CRYZL1: variants seen among roughly 807,000 people sequenced by gnomAD.
CRYZL1 encodes ferry endosomal RAB5 effector complex subunit 4.
CRYZL1 carries 34 observed loss-of-function variants against 50.6 expected under a neutral mutation model. The ratio of observed to expected loss-of-function variants is 0.67; its 90% CI spans 0.51 to 0.89. The LOEUF (loss-of-function observed/expected upper bound fraction) is 0.89. Among genes scored for constraint, CRYZL1 ranks in the 40% least tolerant of loss-of-function variants. The probability of loss-of-function intolerance (pLI) is 0.00; values close to 1 mark genes in which losing one functional copy is unlikely to be tolerated. For synonymous variants in CRYZL1, 125 were observed against 134.3 expected (o/e 0.93, Z 0.48); for missense variants, 354 against 402.3 (o/e 0.88, Z 1.03).
intron 1 of CRYZL1, among the ~76,000 whole-genome samples, chr21:33,639,235 C>A: frequency 6.6e-6 from 1 of 152,126 alleles, no homozygotes; most frequent in African/African-American, 2.4e-5. Flanking sequence ...GACCAATTCC[C>A]CACCCATATC....
At chr21:33,625,799 C>G (rs746382009) in intron 2 of CRYZL1, among the ~76,000 whole-genome samples, 2 of 151,224 alleles carry the variant, frequency 1.3e-5, no homozygotes, top group Admixed American at 6.6e-5. Context: ...ATTTTCTTAA[C>G]GCTATAAGTG....
chr21:33,603,204 G>T, intron 7 of CRYZL1, 200 bp downstream of exon 7: 1 of 572,734 alleles, frequency 1.7e-6, no homozygotes, highest in Non-Finnish European at 3.0e-6. Context: ...CAGATTCAAA[G>T]TCATAAACTA....
chr21:33,592,976 T>C (rs1280308302), intron 11 of CRYZL1, among the ~76,000 whole-genome samples: 1 of 150,052 alleles, frequency 6.7e-6, no homozygotes, highest in Non-Finnish European at 1.5e-5. Context: ...TGCTTGAACC[T>C]GGGAGGCAGA....
At chr21:33,636,916 CCT>C (rs2087213145) in intron 1 of CRYZL1, among the ~76,000 whole-genome samples, 1 of 152,148 alleles carries the variant, frequency 6.6e-6, no homozygotes, top group African/African-American at 2.4e-5. Flanking sequence ...ACGCCATTCT[CCT>C]GTTTCAGCTT....
intron 6 of CRYZL1, among the ~76,000 whole-genome samples, chr21:33,607,407 G>A (rs150360412): frequency 6.6e-6 from 1 of 152,050 alleles, no homozygotes; most frequent in African/African-American, 2.4e-5. Flanking sequence ...GGGAGGCCAA[G>A]GCGGGAAGAT....
chr21:33,618,319 A>G (rs2086958854), intron 4 of CRYZL1, among the ~76,000 whole-genome samples: 1 of 150,798 alleles, frequency 6.6e-6, no homozygotes, highest in Non-Finnish European at 1.5e-5. Context: ...GAAATGATAT[A>G]GTTACATTTT....
intron 10 of CRYZL1, among the ~76,000 whole-genome samples, chr21:33,596,467 G>C (rs2086693790): frequency 6.6e-6 from 1 of 151,884 alleles, no homozygotes; most frequent in African/African-American, 2.4e-5. Context: ...GTGAAACCCT[G>C]TCTCTACTAA....
At chr21:33,599,355 G>T in intron 8 of CRYZL1, 107 bp from the exon 9 acceptor site, 1 of 1,435,190 alleles carries the variant, frequency 7.0e-7, no homozygotes, top group Non-Finnish European at 9.6e-7. Context: ...TTCTTGAAAT[G>T]AGTTAAGCAA....
At chr21:33,624,271 G>T (rs1000043894) in intron 3 of CRYZL1, among the ~76,000 whole-genome samples, 21 of 152,330 alleles carry the variant, frequency 1.4e-4, no homozygotes, top group African/African-American at 3.8e-4. Flanking sequence ...GGTAGGCTGG[G>T]CGCAGTGGCT....
intron 6 of CRYZL1, among the ~76,000 whole-genome samples, chr21:33,606,182 C>T (rs564286127): frequency 9.2e-4 from 140 of 152,276 alleles, no homozygotes; most frequent in Middle Eastern, 3.4e-3. Context: ...TGCCACATAG[C>T]TCATAAGGTG....
At chr21:33,618,668 C>G (rs1322874554) in intron 4 of CRYZL1, among the ~76,000 whole-genome samples, 2 of 152,164 alleles carry the variant, frequency 1.3e-5, no homozygotes, top group Non-Finnish European at 2.9e-5. Context: ...GGTATTTCTA[C>G]TTTCAAGTCT....
chr21:33,626,055 G>C (rs1156469097), intron 2 of CRYZL1, among the ~76,000 whole-genome samples: 1 of 151,952 alleles, frequency 6.6e-6, no homozygotes, highest in Non-Finnish European at 1.5e-5. Context: ...CCGAGTTCAA[G>C]TGATTCTCCT....
intron 6 of CRYZL1, among the ~76,000 whole-genome samples, chr21:33,604,745 A>G (rs991976577): frequency 1.3e-5 from 2 of 152,152 alleles, no homozygotes; most frequent in African/African-American, 4.8e-5. Flanking sequence ...CCCATTGTTT[A>G]GCTGATGAAC....
At chr21:33,606,550 C>G (rs1054136026) in intron 6 of CRYZL1, among the ~76,000 whole-genome samples, 3 of 151,620 alleles carry the variant, frequency 2.0e-5, no homozygotes, top group African/African-American at 7.3e-5. Context: ...CGCTTGAACC[C>G]AGGAGATGGA....
intron 6 of CRYZL1, among the ~76,000 whole-genome samples, chr21:33,605,233 T>C (rs1303713178): frequency 1.3e-5 from 2 of 152,058 alleles, no homozygotes; most frequent in Non-Finnish European, 2.9e-5. Flanking sequence ...TTTGTTCATG[T>C]GCTGTAAATA....
intron 6 of CRYZL1, among the ~76,000 whole-genome samples, chr21:33,609,925 C>T (rs1169075094): frequency 1.3e-5 from 2 of 150,564 alleles, no homozygotes; most frequent in Admixed American, 6.6e-5. Context: ...AGGATGGTCT[C>T]GATCTCCTGA....
chr21:33,631,495 A>G lies in CRYZL1; in HGVS notation c.57T>C (p.Phe19=). 6.6e-7 allele frequency: 1 copy of G among 1,524,732 alleles called. No individual in the cohort carries two copies. Among genetic ancestry groups the G allele is most frequent in the Non-Finnish European group, 8.8e-7 (1 of 1,142,578 alleles). 94.5% of individuals were successfully genotyped at this position (1,524,732 alleles called of 1,614,324 possible). A position where few individuals can be genotyped will look rare whatever the true frequency, so the allele number is the denominator to read the frequency against. Residue 19 remains phenylalanine, a synonymous_variant, in exon 2 of 13, where the codon TTT becomes TTC. Coordinates refer to ENST00000381554, the MANE Select transcript of CRYZL1 (RefSeq NM_145858.3). ...SSTDEEITFV[F]QEKEDLPVTE... Reference sequence around the variant, plus strand: ...AAACATTTTTTCTTACCTTTTCTTGAAATACAAATGTTATTTCTTCATCTG... The same window carrying G: ...AAACATTTTTTCTTACCTTTTCTTGGAATACAAATGTTATTTCTTCATCTG...
intron 3 of CRYZL1, 84 bp from the exon 4 acceptor site, chr21:33,622,152 G>A: frequency 9.2e-7 from 1 of 1,081,296 alleles, no homozygotes. Context: ...GAGAGTAAAA[G>A]TCAAATCACA....
chr21:33,627,739 G>GTTTT (rs35217060), intron 2 of CRYZL1, among the ~76,000 whole-genome samples: 16 of 84,372 alleles, frequency 1.9e-4, no homozygotes, highest in Non-Finnish European at 2.8e-4. Context: ...ATGAGACATG[G>GTTTT]TTTTTTTTTT....
Sources: allele counts gnomAD v4.1 joint callset (sites outside exome capture counted in the v4.1 genomes callset), GRCh38; gene constraint gnomAD v4.1.1; transcripts MANE v1.5; gene names NCBI Gene and HGNC (gene_info 2026-07-23, HGNC 2026-07-21).